Variants in GPM6A observed in about 807,000 individuals in gnomAD.
The protein encoded by GPM6A is neuronal membrane glycoprotein M6-a.
In GPM6A, 7 loss-of-function variants were observed where a neutral mutation model predicts 32.1. The ratio of observed to expected loss-of-function variants is 0.22; its 90% CI spans 0.12 to 0.41. The LOEUF (loss-of-function observed/expected upper bound fraction) is 0.41. Among genes scored for constraint, GPM6A ranks in the 10% least tolerant of loss-of-function variants. The pLI is 1.00. For missense variants in GPM6A, 235 were observed against 347.2 expected (o/e 0.68, Z 2.57); for synonymous variants, 130 against 123.4 (o/e 1.05, Z -0.35).
intron 1 of GPM6A, among the ~76,000 whole-genome samples, chr4:175,862,880 T>A (rs1460808286): frequency 6.6e-6 from 1 of 152,114 alleles, no homozygotes; most frequent in African/African-American, 2.4e-5. Context: ...GCGAATAGGG[T>A]CATCTCAGCT....
At chr4:175,816,462 T>C (rs527308878), upstream of GPM6A, among the ~76,000 whole-genome samples, 1 of 152,342 alleles carries the variant, frequency 6.6e-6, no homozygotes, top group South Asian at 2.1e-4. Context: ...TATTCCTCTA[T>C]TATGTAATGC....
chr4:175,844,064 A>T (rs148849812), intron 1 of GPM6A, among the ~76,000 whole-genome samples: 1 of 152,148 alleles, frequency 6.6e-6, no homozygotes, highest in East Asian at 1.9e-4. Context: ...TTTCTCATCC[A>T]CTGACCACAT....
chr4:175,978,854 C>T (rs889435227), intron 1 of GPM6A, among the ~76,000 whole-genome samples: 4 of 151,862 alleles, frequency 2.6e-5, no homozygotes, highest in African/African-American at 7.3e-5. Flanking sequence ...AGTTAAGAAC[C>T]GCTGCTAATC....
intron 1 of GPM6A, among the ~76,000 whole-genome samples, chr4:175,831,337 G>T (rs1735604936): frequency 6.6e-6 from 1 of 152,084 alleles, no homozygotes; most frequent in Non-Finnish European, 1.5e-5. Flanking sequence ...TCTGCTTATT[G>T]TAACATTGAC....
chr4:175,788,776 C>T (rs1440958993), intron 1 of GPM6A, among the ~76,000 whole-genome samples: 1 of 152,004 alleles, frequency 6.6e-6, no homozygotes, highest in Admixed American at 6.6e-5. Context: ...ACCTATCCAC[C>T]CTTTAATAGT....
intron 1 of GPM6A, among the ~76,000 whole-genome samples, chr4:175,774,591 G>A (rs1190865957): frequency 6.6e-6 from 1 of 151,896 alleles, no homozygotes; most frequent in Non-Finnish European, 1.5e-5. Flanking sequence ...AAAACAATCA[G>A]CCACTGAGTT....
intron 1 of GPM6A, chr4:175,960,837 C>T (rs1336911895): frequency 1.3e-5 from 2 of 152,190 alleles, no homozygotes; most frequent in Non-Finnish European, 2.9e-5. Flanking sequence ...AATCCCACAA[C>T]ATGCCACATC....
At chr4:175,930,448 G>T (rs1027273081) in intron 1 of GPM6A, among the ~76,000 whole-genome samples, 64 of 128,872 alleles carry the variant, frequency 5.0e-4, no homozygotes, top group African/African-American at 1.6e-3. Context: ...TTTTGTTGTT[G>T]TTTTTTTTAA....
intron 1 of GPM6A, among the ~76,000 whole-genome samples, chr4:175,810,920 T>C (rs1170987464): frequency 6.6e-6 from 1 of 152,190 alleles, no homozygotes; most frequent in Non-Finnish European, 1.5e-5. Context: ...ATGCTATTAA[T>C]GTAGATTTTT....
At chr4:175,773,198 A>T (rs1045526554) in intron 1 of GPM6A, among the ~76,000 whole-genome samples, 1 of 152,196 alleles carries the variant, frequency 6.6e-6, no homozygotes, top group African/African-American at 2.4e-5. Flanking sequence ...TCAGAAGAAC[A>T]ATTTTCTATA....
At chr4:175,822,456 T>A (rs1331196877) in intron 1 of GPM6A, among the ~76,000 whole-genome samples, 1 of 152,164 alleles carries the variant, frequency 6.6e-6, no homozygotes, top group Non-Finnish European at 1.5e-5. Flanking sequence ...ATAAGTTGTC[T>A]GTATTAACAA....
At chr4:175,871,686 G>A (rs1381725170) in intron 1 of GPM6A, among the ~76,000 whole-genome samples, 1 of 151,956 alleles carries the variant, frequency 6.6e-6, no homozygotes, top group Non-Finnish European at 1.5e-5. Context: ...CTATCCCAGG[G>A]TTATCTATGC....
At chr4:175,877,123 A>T (rs115296108) in intron 1 of GPM6A, among the ~76,000 whole-genome samples, 2 of 152,172 alleles carry the variant, frequency 1.3e-5, no homozygotes, top group East Asian at 3.9e-4. Context: ...GTGAGGTTCA[A>T]TAGGGAAGTG....
At chr4:175,996,286 G>T (rs1367743628) in intron 1 of GPM6A, among the ~76,000 whole-genome samples, 1 of 152,122 alleles carries the variant, frequency 6.6e-6, no homozygotes, top group Non-Finnish European at 1.5e-5. Flanking sequence ...TTGTTAAGTG[G>T]AACCTTAGTT....
At chr4:175,675,962 C>A (rs1579372188) in intron 2 of GPM6A, among the ~76,000 whole-genome samples, 1 of 152,192 alleles carries the variant, frequency 6.6e-6, no homozygotes, top group African/African-American at 2.4e-5. Context: ...TTCCCATAAT[C>A]CCCATGTGTC....
intron 1 of GPM6A, among the ~76,000 whole-genome samples, chr4:175,747,999 T>A (rs900984931): frequency 5.3e-5 from 8 of 152,194 alleles, no homozygotes; most frequent in Non-Finnish European, 8.8e-5. Flanking sequence ...AGAAAACTTT[T>A]TTCATTCATA....
chr4:175,659,416 C>T (rs915429493), intron 3 of GPM6A, among the ~76,000 whole-genome samples: 8 of 151,806 alleles, frequency 5.3e-5, no homozygotes, highest in African/African-American at 1.9e-4. Flanking sequence ...TAAAAATAGC[C>T]CATTGAAATA....
At chr4:175,725,302 T>G (rs1238274835) in intron 1 of GPM6A, among the ~76,000 whole-genome samples, 1 of 151,430 alleles carries the variant, frequency 6.6e-6, no homozygotes, top group African/African-American at 2.4e-5. Flanking sequence ...TTTGTTTTTT[T>G]TTTTTTTGCA....
At chr4:175,820,258 C>T (rs1267638768) in intron 1 of GPM6A, among the ~76,000 whole-genome samples, 3 of 152,074 alleles carry the variant, frequency 2.0e-5, no homozygotes, top group Non-Finnish European at 4.4e-5. Context: ...TGTACTACCA[C>T]CCAACATAGA....
Sources: gnomAD v4.1 joint callset for allele counts (sites outside exome capture counted in the v4.1 genomes callset) on GRCh38, gnomAD v4.1.1 for gene constraint, MANE v1.5 for transcripts, NCBI Gene and HGNC (gene_info 2026-07-23, HGNC 2026-07-21) for gene names.